ASAP2: variants seen among roughly 807,000 people sequenced by gnomAD.
ASAP2 encodes the protein arf-GAP with SH3 domain, ANK repeat and PH domain-containing protein 2.
In ASAP2, 45 loss-of-function variants were observed where a neutral mutation model predicts 131.4. The ratio of observed to expected loss-of-function variants is 0.34; its 90% CI spans 0.27 to 0.44. The LOEUF (loss-of-function observed/expected upper bound fraction) is 0.44, where lower values mean the gene tolerates loss of function less well. Ranked by LOEUF, ASAP2 falls within the 20% of genes least tolerant of loss-of-function variation. The probability of loss-of-function intolerance (pLI) is 1.00; values close to 1 mark genes in which losing one functional copy is unlikely to be tolerated. For missense variants in ASAP2, 1,011 were observed against 1,297.0 expected (o/e 0.78, Z 3.39); for synonymous variants, 510 against 503.0 (o/e 1.01, Z -0.19).
At chr2:9,346,073 T>C (rs1248957267) in intron 11 of ASAP2, among the ~76,000 whole-genome samples, 1 of 152,122 alleles carries the variant, frequency 6.6e-6, no homozygotes, top group Non-Finnish European at 1.5e-5. Context: ...TCACTGGTCA[T>C]GTGATCACCA....
intron 1 of ASAP2, among the ~76,000 whole-genome samples, chr2:9,274,462 A>G (rs1396976658): frequency 6.6e-6 from 1 of 150,912 alleles, no homozygotes; most frequent in African/African-American, 2.4e-5. Flanking sequence ...AGCTGGGATT[A>G]TGGGCATGCA....
At chr2:9,391,805 G>A (rs754289910) in intron 23 of ASAP2, among the ~76,000 whole-genome samples, 3 of 149,022 alleles carry the variant, frequency 2.0e-5, no homozygotes, top group Non-Finnish European at 4.4e-5. Flanking sequence ...GCCTGGTCTC[G>A]AACTCCTGAC....
rs972627014 is a variant in ASAP2, at chr2:9,387,080, G to C, written c.2131-1214G>C. Among the ~76,000 whole-genome samples, 716 of 151,222 alleles carry C rather than the reference G, an allele frequency of 4.7e-3. 20 individuals carry two copies. The highest frequency in any genetic ancestry group is 0.016 in the African/African-American group (676 of 41,092). On this transcript the variant is annotated intron_variant, in intron 21 of 27. Coordinates refer to ENST00000281419, the MANE Select transcript of ASAP2 (RefSeq NM_003887.3). ...AATTAGCCGGGCTTGGTGGTGGGTG[G>C]GGGGGCGCCTGTAGTCCCAGCTACT...
chr2:9,396,292 G>T lies in ASAP2; in HGVS notation c.2684+2645G>T, dbSNP rs375868345. Among the ~76,000 whole-genome samples, 565 of 152,180 alleles carry T rather than the reference G, an allele frequency of 3.7e-3. 4 individuals are homozygous for T. Among genetic ancestry groups the T allele is most frequent in the African/African-American group, 0.013 (551 of 41,498 alleles). On this transcript the variant is annotated intron_variant, in intron 24 of 27. Transcript: ENST00000281419. ...ATTCCTGAGATCAACTAGGTTGACT[G>T]TGATTTATCTTTCACTCTGTTGCCC...
At chr2:9,262,531 G>A (rs774013920) in intron 1 of ASAP2, among the ~76,000 whole-genome samples, 3 of 152,186 alleles carry the variant, frequency 2.0e-5, no homozygotes, top group Non-Finnish European at 2.9e-5. Context: ...GAGGTCACGC[G>A]GCTAGTAATT....
intron 1 of ASAP2, among the ~76,000 whole-genome samples, chr2:9,260,275 G>A (rs751176999): frequency 3.3e-5 from 5 of 152,342 alleles, no homozygotes; most frequent in African/African-American, 9.6e-5. Flanking sequence ...AGTGACTCCC[G>A]CAGTAAGCCT....
chr2:9,337,373 T>C (rs1322422702), intron 9 of ASAP2, among the ~76,000 whole-genome samples: 1 of 152,226 alleles, frequency 6.6e-6, no homozygotes, highest in Non-Finnish European at 1.5e-5. Flanking sequence ...TTAAAATGAT[T>C]TTTATGATGG....
In ASAP2 at chr2:9,297,332, G is replaced by T; in HGVS notation, c.232G>T (p.Ala78Ser). 1 of 1,614,148 alleles carries T rather than the reference G, an allele frequency of 6.2e-7. No homozygotes were observed. The highest frequency in any genetic ancestry group is 8.5e-7 in the Non-Finnish European group (1 of 1,180,022). The change falls in exon 3 of 28, where the codon GCT becomes TCT. Residue 78 changes from alanine (A) to serine (S), a missense_variant. Ala to Ser is a moderately conservative substitution (Grantham distance 99). Around this residue, in one of 2 missense-constraint regions of ASAP2, gnomAD observed 359 missense variants for 598.1 expected, o/e 0.60. Transcript: ENST00000281419. ...HVENEEQYTQ[A>S]LEKFGGNCVC... is the part of the protein sequence containing the mutation. ...GGAAAATGAAGAGCAGTACACCCAG[G>T]CTCTGGAGAAGTTTGGCGGCAACTG... is the stretch of plus-strand genomic sequence containing the variant.
At chr2:9,373,633 T>C (rs1489242258) in intron 16 of ASAP2, among the ~76,000 whole-genome samples, 1 of 152,208 alleles carries the variant, frequency 6.6e-6, no homozygotes, top group East Asian at 1.9e-4. Context: ...CCAGCAGCCA[T>C]GGCCCCTTGC....
At chr2:9,401,207 T>G in intron 26 of ASAP2, 67 bp from the exon 27 acceptor site, 3 of 1,591,500 alleles carry the variant, frequency 1.9e-6, no homozygotes, top group Non-Finnish European at 2.6e-6. Context: ...GGCAGGGTGC[T>G]TGAGCTCTCT....
At position 9,351,013 on chromosome 2, in the gene ASAP2, T is replaced by A. The variant is rs16867009; in HGVS notation, c.1111+118T>A. 3.8e-3 allele frequency: 2,676 copies of A among 712,750 alleles called. 58 individuals are homozygous for A. The African/African-American group carries it at 0.044, about 12-fold the overall frequency. The allele number at this position is 712,750 out of a possible 1,614,324, so 44.2% of individuals were successfully genotyped here. Reference sequence around the variant, plus strand: ...AATTGGTTTTTGAAGAGACATACCCTTTTTCTAGTGATATGCGTGCTTTGT... The same window carrying A: ...AATTGGTTTTTGAAGAGACATACCCATTTTCTAGTGATATGCGTGCTTTGT... On this transcript the variant is annotated intron_variant, in intron 12 of 27. Transcript: ENST00000281419.
At chr2:9,348,395 G>A (rs761200954) in intron 11 of ASAP2, among the ~76,000 whole-genome samples, 12 of 152,306 alleles carry the variant, frequency 7.9e-5, no homozygotes, top group Non-Finnish European at 2.9e-5. Flanking sequence ...AAAGTGCTGG[G>A]ATTACAGGCG....
chr2:9,227,452 G>A (rs186861472), intron 1 of ASAP2, among the ~76,000 whole-genome samples: 50 of 152,304 alleles, frequency 3.3e-4, no homozygotes, highest in African/African-American at 1.2e-3. Context: ...GCAAACTCCT[G>A]AGGGCAGGAT....
At chr2:9,334,970 G>A (rs992858591) in intron 8 of ASAP2, 123 bp from the exon 9 acceptor site, 59 of 1,349,352 alleles carry the variant, frequency 4.4e-5, no homozygotes, top group Non-Finnish European at 5.6e-5. Context: ...TGGGAGGGAA[G>A]GTTTGACCAG....
chr2:9,207,869 C>A lies in ASAP2; in HGVS notation c.126+639C>A, dbSNP rs1226015303. On this transcript the variant is annotated intron_variant, in intron 1 of 27. Coordinates refer to ENST00000281419, the MANE Select transcript of ASAP2 (RefSeq NM_003887.3). The surrounding 1 kb of genome is among the most constrained non-coding windows in gnomAD (Gnocchi z 4.1). The stretch of plus-strand genomic sequence containing the variant: ...CGCTCCCCGGTTACCTGGGTCTCAC[C>A]TGCTTGAACCCGGAATGCCGCCCTT... Among the ~76,000 whole-genome samples, 3 of 152,210 alleles carry A rather than the reference C, an allele frequency of 2.0e-5. No homozygotes were observed. The highest frequency in any genetic ancestry group is 4.4e-5 in the Non-Finnish European group (3 of 68,032).
intron 2 of ASAP2, among the ~76,000 whole-genome samples, chr2:9,286,441 A>ATATATATATATATAT (rs1175112143): frequency 3.1e-4 from 40 of 130,188 alleles, no homozygotes; most frequent in African/African-American, 1.2e-3. Flanking sequence ...AAAAAGGAAA[A>ATATATATATATATAT]AAAAAAATAT....
chr2:9,227,903 T>G (rs1662891424), intron 1 of ASAP2, among the ~76,000 whole-genome samples: 1 of 152,232 alleles, frequency 6.6e-6, no homozygotes, highest in Non-Finnish European at 1.5e-5. Context: ...GACAGATAAC[T>G]TAGAAATATT....
intron 2 of ASAP2, among the ~76,000 whole-genome samples, chr2:9,286,818 T>C (rs955960931): frequency 6.6e-6 from 1 of 152,196 alleles, no homozygotes; most frequent in Non-Finnish European, 1.5e-5. Context: ...AAATTCAGGA[T>C]GCAAAATTTA....
chr2:9,401,873 G>A (rs1011173094), intron 27 of ASAP2, among the ~76,000 whole-genome samples: 2 of 152,238 alleles, frequency 1.3e-5, no homozygotes, highest in Admixed American at 6.5e-5. Context: ...AGGGGCTGGT[G>A]GCTTGGGGCA....
Sources: allele counts gnomAD v4.1 joint callset (sites outside exome capture counted in the v4.1 genomes callset), GRCh38; gene constraint gnomAD v4.1.1; regional missense constraint gnomAD v4.1.1; non-coding constraint Gnocchi (gnomAD v3.1); transcripts MANE v1.5; gene names NCBI Gene and HGNC (gene_info 2026-07-23, HGNC 2026-07-21).